Variants in ADCY5 observed in about 807,000 individuals in gnomAD.
ADCY5 encodes the protein adenylate cyclase type 5.
In ADCY5, 30 loss-of-function variants were observed where a neutral mutation model predicts 119.7. The observed-to-expected ratio is 0.25, with a 90% CI of 0.19 to 0.34. The LOEUF (loss-of-function observed/expected upper bound fraction) is 0.34, where lower values mean the gene tolerates loss of function less well. Ranked by LOEUF, ADCY5 falls within the 10% of genes least tolerant of loss-of-function variation. ADCY5 has a pLI of 1.00. For missense variants in ADCY5, 1,324 were observed against 1,775.2 expected (o/e 0.75, Z 4.57); for synonymous variants, 753 against 762.2 (o/e 0.99, Z 0.20).
At chr3:123,398,436 G>A (rs1466783066) in intron 1 of ADCY5, among the ~76,000 whole-genome samples, 1 of 152,042 alleles carries the variant, frequency 6.6e-6, no homozygotes, top group East Asian at 1.9e-4. Flanking sequence ...CGTTTTGCAA[G>A]GACAGATCTG....
At chr3:123,308,474 T>A (rs970738363) in intron 12 of ADCY5, among the ~76,000 whole-genome samples, 1 of 152,180 alleles carries the variant, frequency 6.6e-6, no homozygotes, top group Non-Finnish European at 1.5e-5. Context: ...TCATCTCCTA[T>A]AATTAGAGAG....
intron 1 of ADCY5, among the ~76,000 whole-genome samples, chr3:123,403,600 C>T (rs1012447431): frequency 2.0e-5 from 3 of 152,112 alleles, no homozygotes; most frequent in African/African-American, 4.8e-5. Context: ...GCAATCAGTC[C>T]CTGGGTCCAT....
intron 1 of ADCY5, among the ~76,000 whole-genome samples, chr3:123,358,434 A>G (rs1263642181): frequency 6.6e-6 from 1 of 152,158 alleles, no homozygotes; most frequent in African/African-American, 2.4e-5. Context: ...GTGATATCCC[A>G]TATCTACAAA....
At chr3:123,325,244 TCTGGTGCGGGC>T in intron 8 of ADCY5, 67 bp downstream of exon 8, 1 of 1,536,734 alleles carries the variant, frequency 6.5e-7, no homozygotes, top group Non-Finnish European at 8.9e-7. Context: ...ACACGAGGCA[TCTGGTGCGGGC>T]CTCATGCCCA....
At chr3:123,415,169 T>A (rs1468084299) in intron 1 of ADCY5, among the ~76,000 whole-genome samples, 1 of 152,184 alleles carries the variant, frequency 6.6e-6, no homozygotes, top group Non-Finnish European at 1.5e-5. Flanking sequence ...ATATTTTCTG[T>A]AAACACGGCT....
At chr3:123,424,668 C>A (rs1476136332) in intron 1 of ADCY5, among the ~76,000 whole-genome samples, 1 of 152,186 alleles carries the variant, frequency 6.6e-6, no homozygotes, top group Non-Finnish European at 1.5e-5. Context: ...GAATGACCGT[C>A]CTCCTGATGG....
chr3:123,333,848 A>G (rs1941896665), intron 3 of ADCY5, among the ~76,000 whole-genome samples: 1 of 152,198 alleles, frequency 6.6e-6, no homozygotes, highest in South Asian at 2.1e-4. Flanking sequence ...TCTAGCCCCA[A>G]GCCCTCCATC....
chr3:123,302,584 T>C (rs994276451), intron 14 of ADCY5, among the ~76,000 whole-genome samples: 2 of 152,136 alleles, frequency 1.3e-5, no homozygotes, highest in Admixed American at 6.5e-5. Context: ...TGAGGGTCTA[T>C]AAAGTTTTGC....
intron 4 of ADCY5, 131 bp from the exon 5 acceptor site, chr3:123,331,147 C>T (rs1941744864): frequency 7.4e-6 from 7 of 951,898 alleles, no homozygotes; most frequent in Admixed American, 2.5e-5. Flanking sequence ...CGCAGGCCCA[C>T]GCCGGAACTC....
chr3:123,311,796 G>T (rs1576555564), intron 12 of ADCY5, among the ~76,000 whole-genome samples: 2 of 152,154 alleles, frequency 1.3e-5, no homozygotes, highest in African/African-American at 4.8e-5. Context: ...GGACTGGGGG[G>T]ACAGTGTTTG....
intron 18 of ADCY5, 96 bp from the exon 19 acceptor site, chr3:123,290,050 G>A (rs1220083906): frequency 8.1e-7 from 1 of 1,228,804 alleles, no homozygotes; most frequent in East Asian, 2.5e-5. Flanking sequence ...CAGCAGCATG[G>A]CCCTTCATGT....
chr3:123,430,102 C>A (rs1945493204), intron 1 of ADCY5, among the ~76,000 whole-genome samples: 1 of 152,224 alleles, frequency 6.6e-6, no homozygotes, highest in Admixed American at 6.5e-5. Flanking sequence ...GACCCTCTTC[C>A]TGCTCCACAA....
chr3:123,329,045 C>T (rs1229436339), intron 5 of ADCY5, among the ~76,000 whole-genome samples: 1 of 152,226 alleles, frequency 6.6e-6, no homozygotes, highest in Non-Finnish European at 1.5e-5. Flanking sequence ...ACACTAAAAC[C>T]TAGAGCCCTG....
At chr3:123,429,144 G>A (rs1360661637) in intron 1 of ADCY5, among the ~76,000 whole-genome samples, 1 of 152,208 alleles carries the variant, frequency 6.6e-6, no homozygotes, top group Non-Finnish European at 1.5e-5. Flanking sequence ...TATTTGTATT[G>A]CCTATTATTT....
chr3:123,385,284 G>GACACACACAC (rs146450872), intron 1 of ADCY5, among the ~76,000 whole-genome samples: 23,842 of 141,948 alleles, frequency 0.17, 2,019 homozygotes, highest in Middle Eastern at 0.22. Flanking sequence ...GTCCACTGCA[G>GACACACACAC]ACACACACGC....
chr3:123,366,806 C>T (rs552683295), intron 1 of ADCY5, among the ~76,000 whole-genome samples: 16 of 152,282 alleles, frequency 1.1e-4, no homozygotes, highest in Admixed American at 9.8e-4. Context: ...GGGCAAGTCA[C>T]CTTTCCTGTG....
At chr3:123,367,944 C>T (rs192474617) in intron 1 of ADCY5, 369 of 1,535,846 alleles carry the variant, frequency 2.4e-4, no homozygotes, top group Non-Finnish European at 3.0e-4. Flanking sequence ...CCATGTCTTC[C>T]GTGGGACAGG....
intron 17 of ADCY5, among the ~76,000 whole-genome samples, chr3:123,295,518 C>T (rs1939443489): frequency 6.6e-6 from 1 of 152,238 alleles, no homozygotes; most frequent in Non-Finnish European, 1.5e-5. Context: ...GAGCCAAGTG[C>T]TGGCTGGAAT....
At chr3:123,316,963 A>G (rs1481034273) in intron 11 of ADCY5, among the ~76,000 whole-genome samples, 1 of 151,670 alleles carries the variant, frequency 6.6e-6, no homozygotes, top group Non-Finnish European at 1.5e-5. Context: ...TAGATTACTT[A>G]CTTTTCTGTG....
Sources: gnomAD v4.1 joint callset for allele counts (sites outside exome capture counted in the v4.1 genomes callset) on GRCh38, gnomAD v4.1.1 for gene constraint, MANE v1.5 for transcripts, NCBI Gene and HGNC (gene_info 2026-07-23, HGNC 2026-07-21) for gene names.